Variants in MUSK observed in about 807,000 individuals in gnomAD.
MUSK encodes the protein muscle, skeletal receptor tyrosine-protein kinase.
MUSK carries 55 observed loss-of-function variants against 88.7 expected under a neutral mutation model. That is an observed-to-expected ratio of 0.62 (90% CI 0.50 to 0.78). The LOEUF (loss-of-function observed/expected upper bound fraction) is 0.78. Ranked by LOEUF, MUSK falls within the 30% of genes least tolerant of loss-of-function variation. The pLI, the probability that MUSK is intolerant of heterozygous loss-of-function variation, is 0.00. For missense variants in MUSK, 1,015 were observed against 1,074.3 expected (o/e 0.94, Z 0.77); for synonymous variants, 387 against 391.9 (o/e 0.99, Z 0.15).
At chr9:110,788,000 G>C in intron 14 of MUSK, 162 bp downstream of exon 14, 1 of 732,264 alleles carries the variant, frequency 1.4e-6, no homozygotes, top group Non-Finnish European at 2.4e-6. Context: ...AACCCTATAG[G>C]ACATTCATGG....
chr9:110,721,268 G>A (rs192399769), intron 5 of MUSK, among the ~76,000 whole-genome samples: 47 of 152,078 alleles, frequency 3.1e-4, no homozygotes, highest in African/African-American at 1.1e-3. Context: ...AGAAATAAAG[G>A]GCATCCAAAT....
chr9:110,762,348 T>G, intron 8 of MUSK, 140 bp downstream of exon 8: 1 of 494,876 alleles, frequency 2.0e-6, no homozygotes, highest in Non-Finnish European at 3.3e-6. Context: ...TTATTTGACA[T>G]GCCATTTATT....
At chr9:110,755,954 A>ACG (rs2077311814) in intron 7 of MUSK, among the ~76,000 whole-genome samples, 2 of 110,518 alleles carry the variant, frequency 1.8e-5, no homozygotes, top group African/African-American at 6.5e-5. Flanking sequence ...ATATATACAC[A>ACG]TATATATATA....
intron 3 of MUSK, among the ~76,000 whole-genome samples, chr9:110,689,709 A>ATATATTTTATATATAAATTT (rs1259002278): frequency 1.8e-5 from 1 of 55,306 alleles, no homozygotes; most frequent in South Asian, 5.8e-4. Flanking sequence ...ATAAATATAT[A>ATATATTTTATATATAAATTT]ACTATATATG....
In MUSK at chr9:110,799,722, C is replaced by T. The variant is rs532720047; in HGVS notation, c.1928-584C>T. 2.6e-5 allele frequency among the ~76,000 whole-genome samples: 4 copies of T among 152,178 alleles called. No homozygotes were observed. The South Asian group carries it at 8.3e-4, about 32-fold the overall frequency. On this transcript the variant is annotated intron_variant, in intron 14 of 14. Coordinates refer to ENST00000374448, the MANE Select transcript of MUSK (RefSeq NM_005592.4). ...AATCTCTCCTTTCAAAGTGCTAAAA[C>T]GTTGGGGAGAAACCTCAAATAGTCA...
chr9:110,676,411 G>A (rs923135244), intron 1 of MUSK, among the ~76,000 whole-genome samples: 2 of 123,250 alleles, frequency 1.6e-5, no homozygotes, highest in African/African-American at 6.2e-5. Flanking sequence ...TAAATTTTAA[G>A]TTCCGGGGTA....
At chr9:110,772,774 T>A (rs925062889) in intron 9 of MUSK, among the ~76,000 whole-genome samples, 1 of 152,128 alleles carries the variant, frequency 6.6e-6, no homozygotes, top group Non-Finnish European at 1.5e-5. Context: ...CCAAGAAATA[T>A]TAAACTAAAA....
chr9:110,700,979 G>A (rs2076493713), intron 5 of MUSK, among the ~76,000 whole-genome samples: 1 of 152,192 alleles, frequency 6.6e-6, no homozygotes, highest in Admixed American at 6.5e-5. Context: ...GAAGAGGGAA[G>A]TTTTCAGTAT....
intron 5 of MUSK, chr9:110,706,127 C>T (rs1273505111): frequency 1.3e-5 from 7 of 528,862 alleles, no homozygotes; most frequent in Non-Finnish European, 2.3e-5. Context: ...CAGCTAAGAT[C>T]GTTCCTTAGC....
chr9:110,707,021 G>C (rs1004246331), intron 5 of MUSK, among the ~76,000 whole-genome samples: 1 of 142,742 alleles, frequency 7.0e-6, no homozygotes, highest in African/African-American at 2.6e-5. Flanking sequence ...TAGAGAGAGA[G>C]AGAGAGAAAC....
chr9:110,738,675 C>A (rs1045556520), intron 6 of MUSK, among the ~76,000 whole-genome samples: 1 of 152,122 alleles, frequency 6.6e-6, no homozygotes, highest in African/African-American at 2.4e-5. Context: ...CTTTATGACC[C>A]CAGAAGGGGT....
chr9:110,763,589 A>G (rs745567987), intron 8 of MUSK, among the ~76,000 whole-genome samples: 1 of 152,234 alleles, frequency 6.6e-6, no homozygotes, highest in Non-Finnish European at 1.5e-5. Flanking sequence ...GAAGTAGCAC[A>G]GAATCTGTCA....
intron 5 of MUSK, among the ~76,000 whole-genome samples, chr9:110,721,518 A>G (rs2076810710): frequency 6.6e-6 from 1 of 152,152 alleles, no homozygotes; most frequent in Admixed American, 6.6e-5. Flanking sequence ...TAAAATACTT[A>G]AGAATATATC....
chr9:110,723,681 A>C (rs4336672), intron 5 of MUSK, among the ~76,000 whole-genome samples: 99,152 of 151,898 alleles, frequency 0.65, 32,777 homozygotes, highest in East Asian at 0.83. Flanking sequence ...TCCCCAAAAC[A>C]CAGGCAAAAA....
At chr9:110,677,378 A>T (rs2076045684) in intron 1 of MUSK, among the ~76,000 whole-genome samples, 1 of 152,228 alleles carries the variant, frequency 6.6e-6, no homozygotes, top group Non-Finnish European at 1.5e-5. Context: ...CAGGAAACTC[A>T]GTGGGCACTT....
chr9:110,752,178 C>A (rs562220563), intron 7 of MUSK, among the ~76,000 whole-genome samples: 20 of 152,242 alleles, frequency 1.3e-4, no homozygotes, highest in African/African-American at 4.6e-4. Flanking sequence ...GAGACAACTT[C>A]CATTTTCTCT....
chr9:110,764,802 C>A (rs969203086), intron 8 of MUSK, among the ~76,000 whole-genome samples: 1 of 152,032 alleles, frequency 6.6e-6, no homozygotes, highest in Non-Finnish European at 1.5e-5. Flanking sequence ...TTTTTCCCAG[C>A]ACATAAAGGG....
At chr9:110,743,613 A>G (rs2077131441) in intron 6 of MUSK, among the ~76,000 whole-genome samples, 2 of 152,212 alleles carry the variant, frequency 1.3e-5, no homozygotes, top group Admixed American at 6.5e-5. Flanking sequence ...GAAGAATTTT[A>G]TAAAATAAAC....
intron 6 of MUSK, among the ~76,000 whole-genome samples, chr9:110,745,523 G>C (rs954384221): frequency 6.6e-6 from 1 of 152,096 alleles, no homozygotes; most frequent in Non-Finnish European, 1.5e-5. Context: ...TAGAGGCTTG[G>C]GGTCTTTAGC....
Sources: allele counts gnomAD v4.1 joint callset (sites outside exome capture counted in the v4.1 genomes callset), GRCh38; gene constraint gnomAD v4.1.1; transcripts MANE v1.5; gene names NCBI Gene and HGNC (gene_info 2026-07-23, HGNC 2026-07-21).